Variants in OPRM1 observed in about 807,000 individuals in gnomAD.
OPRM1 encodes mu-type opioid receptor.
In OPRM1, 27 loss-of-function variants were observed where a neutral mutation model predicts 31.8. The observed-to-expected ratio is 0.85, with a 90% CI of 0.63 to 1.17. The LOEUF is 1.17. Ranked by LOEUF, OPRM1 falls within the 50% of genes most tolerant of loss-of-function variation. OPRM1 has a pLI of 0.00. For synonymous variants in OPRM1, 196 were observed against 189.9 expected (o/e 1.03, Z -0.26); for missense variants, 536 against 511.1 (o/e 1.05, Z -0.47).
chr6:154,148,554 A>T (rs1474336102), intron 3 of OPRM1, among the ~76,000 whole-genome samples: 1 of 152,156 alleles, frequency 6.6e-6, no homozygotes, highest in African/African-American at 2.4e-5. Flanking sequence ...TGGCTGAGTC[A>T]TCCTGCCTGT....
chr6:154,220,075 T>A (rs1452588634), intron 3 of OPRM1, among the ~76,000 whole-genome samples: 1 of 151,404 alleles, frequency 6.6e-6, no homozygotes, highest in Admixed American at 6.6e-5. Context: ...TTCTTCATGT[T>A]TCTAGAGCAA....
chr6:154,162,487 T>C (rs1246300685), intron 3 of OPRM1, among the ~76,000 whole-genome samples: 1 of 152,170 alleles, frequency 6.6e-6, no homozygotes, highest in Non-Finnish European at 1.5e-5. Context: ...AAACCAATGA[T>C]CCATCTTCAA....
chr6:154,125,726 C>T lies in OPRM1; in HGVS notation c.*7005C>T, dbSNP rs752251450. ...TTTGCTTTAAAGTCTCTTAAACTTA[C>T]GCTCTTTCGCTTCAAATGCATAAAT... On this transcript the variant is annotated 3_prime_UTR_variant, in exon 4 of 4. Transcript: ENST00000330432. Among the ~76,000 whole-genome samples the T allele has an allele frequency of 6.6e-6, 1 of 152,078 alleles. No homozygotes were observed. The highest frequency in any genetic ancestry group is 1.5e-5 in the Non-Finnish European group (1 of 68,026).
chr6:154,215,603 T>A (rs1436260818), intron 3 of OPRM1, among the ~76,000 whole-genome samples: 1 of 151,854 alleles, frequency 6.6e-6, no homozygotes, highest in African/African-American at 2.4e-5. Context: ...CGAAACTCCA[T>A]CTCAAAAATA....
chr6:154,086,654 CT>C, intron 1 of OPRM1: 1 of 984,442 alleles, frequency 1.0e-6, no homozygotes, highest in Non-Finnish European at 1.2e-6. Flanking sequence ...ATACTTAGTG[CT>C]AAAATAAGCC....
chr6:154,137,648 G>A (rs944792969), intron 3 of OPRM1, among the ~76,000 whole-genome samples: 4 of 152,184 alleles, frequency 2.6e-5, no homozygotes, highest in African/African-American at 7.2e-5. Context: ...AAATGAAAGT[G>A]TACAGCCTTT....
At chr6:154,116,533 C>T (rs1233203728) in intron 3 of OPRM1, among the ~76,000 whole-genome samples, 1 of 145,068 alleles carries the variant, frequency 6.9e-6, no homozygotes, top group Non-Finnish European at 1.5e-5. Flanking sequence ...TGCAGTCAGG[C>T]AACATCATGC....
intron 3 of OPRM1, among the ~76,000 whole-genome samples, chr6:154,170,655 A>T (rs1041889837): frequency 6.6e-6 from 1 of 152,254 alleles, no homozygotes; most frequent in African/African-American, 2.4e-5. Context: ...GTGTGCAGAC[A>T]TCAAAAGTGG....
intron 1 of OPRM1, among the ~76,000 whole-genome samples, chr6:154,066,233 T>C (rs749676323): frequency 6.6e-6 from 1 of 152,196 alleles, no homozygotes; most frequent in Non-Finnish European, 1.5e-5. Flanking sequence ...TGTTTTCTTT[T>C]CTTGTAGTAT....
chr6:154,058,057 G>A (rs1225665483), intron 1 of OPRM1, among the ~76,000 whole-genome samples: 1 of 152,136 alleles, frequency 6.6e-6, no homozygotes, highest in Admixed American at 6.5e-5. Flanking sequence ...ATTTGTCAAT[G>A]CCACAAAGCA....
intron 3 of OPRM1, among the ~76,000 whole-genome samples, chr6:154,137,873 C>A (rs902893660): frequency 1.3e-5 from 2 of 152,162 alleles, no homozygotes; most frequent in Admixed American, 6.5e-5. Context: ...GAATAAATAA[C>A]CCTGAAGACC....
intron 3 of OPRM1, among the ~76,000 whole-genome samples, chr6:154,203,428 G>A (rs1047245955): frequency 6.6e-6 from 1 of 152,142 alleles, no homozygotes; most frequent in African/African-American, 2.4e-5. Context: ...AAACTGCACA[G>A]GTCCACTTAA....
chr6:154,232,225 G>A (rs571693742), intron 3 of OPRM1, among the ~76,000 whole-genome samples: 4 of 152,312 alleles, frequency 2.6e-5, no homozygotes, highest in Admixed American at 2.0e-4. Context: ...AGAGCTGCAC[G>A]TATTAGCATC....
chr6:154,022,382 C>T (rs894317253), intron 1 of OPRM1, among the ~76,000 whole-genome samples: 12 of 152,274 alleles, frequency 7.9e-5, no homozygotes, highest in Non-Finnish European at 1.3e-4. Context: ...CTCCACGCCC[C>T]GTGGCTTCCG....
rs746907240 is a variant in OPRM1 at position 154,091,034 on chromosome 6, C to G, written c.726C>G (p.Ala242=). Residue 242 remains alanine (A), a synonymous_variant, in exon 3 of 4, where the codon GCC becomes GCG. Transcript: ENST00000330432. ...TGAAGATCTGTGTTTTCATCTTCGC[C>G]TTCATTATGCCAGTGCTCATCATTA... The part of the protein sequence containing the change: ...NLLKICVFIF[A]FIMPVLIITV... The G allele has an allele frequency of 4.3e-6, 7 of 1,614,184 alleles. No homozygotes were observed. The South Asian group carries it at 7.7e-5, about 18-fold the overall frequency.
At chr6:154,175,538 A>G (rs1800246303) in intron 3 of OPRM1, among the ~76,000 whole-genome samples, 1 of 152,198 alleles carries the variant, frequency 6.6e-6, no homozygotes, top group Non-Finnish European at 1.5e-5. Context: ...AGAATACTAT[A>G]AACACCTCTA....
intron 3 of OPRM1, among the ~76,000 whole-genome samples, chr6:154,199,396 T>C (rs1698225358): frequency 6.6e-6 from 1 of 152,202 alleles, no homozygotes; most frequent in Admixed American, 6.5e-5. Flanking sequence ...TTTCTCCGAT[T>C]GGTGGAAAAG....
At position 154,130,085 on chromosome 6, in the gene OPRM1, A is replaced by G. The variant is rs1797805526; in HGVS notation, c.*11364A>G. Among the ~76,000 whole-genome samples the G allele has an allele frequency of 2.4e-5, 2 of 81,778 alleles. No homozygotes were observed. The highest frequency in any genetic ancestry group is 7.0e-4 in the South Asian group (1 of 1,432). 53.6% of individuals were successfully genotyped at this position (81,778 alleles called of 152,430 possible). A position where few individuals can be genotyped will look rare whatever the true frequency, so the allele number is the denominator to read the frequency against. ...AAAATTAGAATTTGCTTTCAATTAT[A>G]CTATCTCTATCTAAATCTTAATTTG... On this transcript the variant is annotated 3_prime_UTR_variant, in exon 4 of 4. Transcript: ENST00000330432.
intron 1 of OPRM1, among the ~76,000 whole-genome samples, chr6:154,053,223 C>A (rs1782545666): frequency 6.6e-6 from 1 of 152,184 alleles, no homozygotes; most frequent in Admixed American, 6.5e-5. Flanking sequence ...TTTTCGTCTT[C>A]AATCTTTTGG....
Sources: allele counts gnomAD v4.1 joint callset (sites outside exome capture counted in the v4.1 genomes callset), GRCh38; gene constraint gnomAD v4.1.1; transcripts MANE v1.5; gene names NCBI Gene and HGNC (gene_info 2026-07-23, HGNC 2026-07-21).